The following UTRN variants were observed in gnomAD, a reference collection of about 807,000 sequenced individuals.
The protein encoded by UTRN is utrophin.
A neutral mutation model predicts 463.9 loss-of-function variants in UTRN; 283 were observed. The observed-to-expected ratio is 0.61, with a 90% CI of 0.55 to 0.67. UTRN has a LOEUF of 0.67. Among genes scored for constraint, UTRN ranks in the 30% least tolerant of loss-of-function variants. UTRN has a pLI of 0.00. For synonymous variants in UTRN, 1,442 were observed against 1,431.5 expected, an observed-to-expected ratio of 1.01 and a Z score of -0.17; for missense variants, 3,922 against 4,084.3, an observed-to-expected ratio of 0.96 and a Z score of 1.08.
chr6:144,800,891 T>G (rs1051164861), intron 64 of UTRN, among the ~76,000 whole-genome samples: 15 of 152,148 alleles, frequency 9.9e-5, no homozygotes, highest in Admixed American at 6.5e-5. Flanking sequence ...AACAGGATTC[T>G]TCAGAGAAAT....
At chr6:144,415,765 C>A (rs574707535) in intron 3 of UTRN, among the ~76,000 whole-genome samples, 6 of 152,092 alleles carry the variant, frequency 3.9e-5, no homozygotes. Context: ...CTGGCTCTTA[C>A]GTAGAAGCAA....
At chr6:144,447,438 CT>C in intron 15 of UTRN, 120 bp downstream of exon 15, 9 of 1,264,220 alleles carry the variant, frequency 7.1e-6, no homozygotes, top group Non-Finnish European at 9.9e-6. Flanking sequence ...CATTAGACTG[CT>C]GCCCTGTAAC....
chr6:144,760,221 G>C (rs994059021), intron 58 of UTRN, among the ~76,000 whole-genome samples: 1 of 151,990 alleles, frequency 6.6e-6, no homozygotes, highest in Non-Finnish European at 1.5e-5. Context: ...TTGTATTCTT[G>C]TTCTTGTGGG....
At chr6:144,327,770 C>A (rs1391224131) in intron 2 of UTRN, among the ~76,000 whole-genome samples, 1 of 151,914 alleles carries the variant, frequency 6.6e-6, no homozygotes, top group African/African-American at 2.4e-5. Flanking sequence ...TGGCAAAACC[C>A]CGTCTCTACT....
intron 53 of UTRN, 105 bp downstream of exon 53, chr6:144,700,348 A>C: frequency 7.9e-7 from 1 of 1,261,710 alleles, no homozygotes; most frequent in South Asian, 1.9e-5. Context: ...TTATCACAGG[A>C]TTCCCCCCCC....
chr6:144,381,516 T>A (rs1333949566), intron 2 of UTRN, among the ~76,000 whole-genome samples: 1 of 152,218 alleles, frequency 6.6e-6, no homozygotes, highest in East Asian at 1.9e-4. Context: ...TATACCCTGA[T>A]ATGGCTTGTC....
At position 144,787,300 on chromosome 6, in the gene UTRN, A is replaced by G. The variant is rs144780334; in HGVS notation, c.8835-1894A>G. 1.5e-3 allele frequency among the ~76,000 whole-genome samples: 226 copies of G among 152,340 alleles called. 2 individuals are homozygous for G. Among genetic ancestry groups the G allele is most frequent in the African/African-American group, 5.2e-3 (215 of 41,592 alleles). On this transcript the variant is annotated intron_variant, in intron 61 of 74. Transcript: ENST00000367545. ...ATAAAGTAGAAACACAGTTTGTAGCATGGCTGTCTGTAGGGTTAATGTGAA... is the reference window on the plus strand; with the variant it reads ...ATAAAGTAGAAACACAGTTTGTAGCGTGGCTGTCTGTAGGGTTAATGTGAA...
At chr6:144,557,889 A>G (rs922206524) in intron 50 of UTRN, among the ~76,000 whole-genome samples, 1 of 152,202 alleles carries the variant, frequency 6.6e-6, no homozygotes, top group Non-Finnish European at 1.5e-5. Context: ...TGTCACTTGA[A>G]TCACTTGAAC....
At chr6:144,752,024 A>G in intron 56 of UTRN, 72 bp downstream of exon 56, 1 of 1,363,120 alleles carries the variant, frequency 7.3e-7, no homozygotes, top group South Asian at 1.9e-5. Context: ...TCACTATATT[A>G]CCACTCACCG....
chr6:144,636,242 G>T (rs1259765836), intron 51 of UTRN, among the ~76,000 whole-genome samples: 2 of 152,090 alleles, frequency 1.3e-5, no homozygotes, highest in Non-Finnish European at 2.9e-5. Context: ...TCCCTTGCAA[G>T]GACATAGATG....
At chr6:144,636,027 C>T (rs563821820) in intron 51 of UTRN, among the ~76,000 whole-genome samples, 22 of 151,216 alleles carry the variant, frequency 1.5e-4, no homozygotes, top group African/African-American at 5.1e-4. Flanking sequence ...TTTTAAGTAC[C>T]CTAGAATTGA....
At chr6:144,485,883 C>G (rs200508941) in intron 28 of UTRN, among the ~76,000 whole-genome samples, 1 of 152,178 alleles carries the variant, frequency 6.6e-6, no homozygotes, top group East Asian at 1.9e-4. Context: ...TCACTAAACA[C>G]AGCACTGACA....
chr6:144,832,496 A>T (rs1780752670), intron 69 of UTRN, among the ~76,000 whole-genome samples: 1 of 152,202 alleles, frequency 6.6e-6, no homozygotes, highest in African/African-American at 2.4e-5. Flanking sequence ...ATGGATAGTC[A>T]GTCTCCAAAT....
intron 3 of UTRN, among the ~76,000 whole-genome samples, chr6:144,412,523 A>C (rs1299426318): frequency 6.6e-6 from 1 of 152,144 alleles, no homozygotes. Context: ...GAAATGTTGC[A>C]TTAAATTATT....
At position 144,285,419 on chromosome 6, in the gene UTRN, C is replaced by T. The variant is rs1803584161; in HGVS notation, c.-495C>T. 6.6e-6 allele frequency among the ~76,000 whole-genome samples: 1 copy of T among 152,222 alleles called. No individual in the cohort carries two copies. The highest frequency in any genetic ancestry group is 6.5e-5 in the Admixed American group (1 of 15,290). Reference sequence around the variant, plus strand: ...AGGGGCGAGGAGGAGCCTCTGGCTCCAGAAGCCGATTGGGGAATCACGGGG... The same window carrying T: ...AGGGGCGAGGAGGAGCCTCTGGCTCTAGAAGCCGATTGGGGAATCACGGGG... On this transcript the variant is annotated 5_prime_UTR_variant, in exon 1 of 75. Coordinates refer to ENST00000367545, the MANE Select transcript of UTRN (RefSeq NM_007124.3).
chr6:144,383,110 T>C (rs1181084494), intron 2 of UTRN, among the ~76,000 whole-genome samples: 4 of 152,074 alleles, frequency 2.6e-5, no homozygotes, highest in Non-Finnish European at 5.9e-5. Context: ...TTTTGTACTT[T>C]TTGTAGAGAC....
chr6:144,364,834 CT>C (rs1419949897), intron 2 of UTRN, among the ~76,000 whole-genome samples: 1 of 152,166 alleles, frequency 6.6e-6, no homozygotes, highest in Non-Finnish European at 1.5e-5. Context: ...TCATGGCTCT[CT>C]TTAGTCTTCA....
chr6:144,748,416 G>C lies in UTRN; in HGVS notation c.8110G>C (p.Asp2704His). 1.2e-6 allele frequency: 2 copies of C among 1,613,926 alleles called. No individual in the cohort carries two copies. The highest frequency in any genetic ancestry group is 2.2e-5 in the South Asian group (2 of 91,078). Reference sequence around the variant, plus strand: ...CCTGCAGGGAGCTATGGATGACCTGGACGCTGACATGAAGGAGGCAGAGTC... The same window carrying C: ...CCTGCAGGGAGCTATGGATGACCTGCACGCTGACATGAAGGAGGCAGAGTC... ...RDLQGAMDDL[D>H]ADMKEAESVR... is the part of the protein sequence containing the mutation. Residue 2704 changes from aspartate (D) to histidine (H), a missense_variant, in exon 55 of 75, where the codon GAC becomes CAC. This residue lies in a region of UTRN where 1,309 missense variants were observed against 1,452.6 expected (regional missense o/e 0.90). Coordinates refer to ENST00000367545, the MANE Select transcript of UTRN (RefSeq NM_007124.3).
At chr6:144,537,063 T>C (rs1348176917) in intron 43 of UTRN, among the ~76,000 whole-genome samples, 1 of 152,092 alleles carries the variant, frequency 6.6e-6, no homozygotes, top group Non-Finnish European at 1.5e-5. Flanking sequence ...CTAATACTTG[T>C]AAGATTCTCC....
Sources: allele counts gnomAD v4.1 joint callset (sites outside exome capture counted in the v4.1 genomes callset), GRCh38; gene constraint gnomAD v4.1.1; regional missense constraint gnomAD v4.1.1; transcripts MANE v1.5; gene names NCBI Gene and HGNC (gene_info 2026-07-23, HGNC 2026-07-21).